DAP: variants seen among roughly 807,000 people sequenced by gnomAD.
The protein encoded by DAP is death associated protein.
DAP carries 8 observed loss-of-function variants against 13.8 expected under a neutral mutation model. The observed-to-expected ratio is 0.58, with a 90% CI of 0.34 to 1.05. The LOEUF (loss-of-function observed/expected upper bound fraction) is 1.05. Ranked by LOEUF, DAP falls within the 50% of genes least tolerant of loss-of-function variation. The probability of loss-of-function intolerance (pLI) is 0.03; values close to 1 mark genes in which losing one functional copy is unlikely to be tolerated. For missense variants in DAP, 106 were observed against 133.2 expected (o/e 0.80, Z 1.01); for synonymous variants, 47 against 47.5 (o/e 0.99, Z 0.04).
chr5:10,683,221 G>A (rs1738067884), intron 3 of DAP: 5 of 441,614 alleles, frequency 1.1e-5, no homozygotes, highest in East Asian at 9.1e-5. Flanking sequence ...CCCTATGGAC[G>A]GCAATACTGT....
intron 2 of DAP, among the ~76,000 whole-genome samples, chr5:10,745,022 T>C (rs927286242): frequency 1.3e-5 from 2 of 152,324 alleles, no homozygotes; most frequent in African/African-American, 4.8e-5. Flanking sequence ...AACTGAGCAG[T>C]AGCACAGATC....
chr5:10,760,905 C>A, intron 1 of DAP, 109 bp downstream of exon 1: 1 of 698,552 alleles, frequency 1.4e-6, no homozygotes, highest in South Asian at 6.8e-5. Flanking sequence ...GGCCCGGAAC[C>A]CGTCTCAGCG....
intron 2 of DAP, among the ~76,000 whole-genome samples, chr5:10,728,065 C>T (rs1212349182): frequency 2.5e-5 from 2 of 80,954 alleles, no homozygotes; most frequent in Middle Eastern, 5.9e-3. Flanking sequence ...GTGGGTTGAA[C>T]CCTTGGATGC....
chr5:10,740,481 GT>G (rs2126673273), intron 2 of DAP, among the ~76,000 whole-genome samples: 1 of 152,282 alleles, frequency 6.6e-6, no homozygotes, highest in East Asian at 1.9e-4. Flanking sequence ...ACCAAACTTG[GT>G]GCATCACAAA....
At chr5:10,746,333 GTT>G (rs558797485) in intron 2 of DAP, among the ~76,000 whole-genome samples, 1 of 138,924 alleles carries the variant, frequency 7.2e-6, no homozygotes, top group Non-Finnish European at 1.6e-5. Flanking sequence ...TTTTTTTTTT[GTT>G]TTTTTTTTTT....
chr5:10,738,409 A>G (rs1247901312), intron 2 of DAP, among the ~76,000 whole-genome samples: 1 of 152,248 alleles, frequency 6.6e-6, no homozygotes, highest in Non-Finnish European at 1.5e-5. Context: ...GAACAATCAA[A>G]GCTGGCATCA....
Position 10,680,864 on chromosome 5 carries a change from C to T in DAP, c.*192G>A. On this transcript the variant is annotated 3_prime_UTR_variant, in exon 4 of 4. Coordinates refer to ENST00000230895, the MANE Select transcript of DAP (RefSeq NM_004394.3). ...CTCAAATGACATCCAACCAGACTCC[C>T]CATAAACAAGGTTTGGGCTGGAGCT... The T allele has an allele frequency of 6.5e-7, 1 of 1,536,966 alleles. No individual in the cohort carries two copies. The highest frequency in any genetic ancestry group is 2.0e-5 in the Admixed American group (1 of 51,004).
intron 1 of DAP, 52 bp from the exon 2 acceptor site, chr5:10,748,323 G>A (rs756947669): frequency 2.0e-6 from 3 of 1,464,936 alleles, no homozygotes; most frequent in East Asian, 4.5e-5. Flanking sequence ...GGCTGCCTGT[G>A]GATCAGGGGG....
At chr5:10,759,298 A>G (rs1388210681) in intron 1 of DAP, among the ~76,000 whole-genome samples, 3 of 152,166 alleles carry the variant, frequency 2.0e-5, no homozygotes, top group Non-Finnish European at 2.9e-5. Flanking sequence ...TGTCCTGGGG[A>G]GTGGAGGGCC....
At chr5:10,696,485 GT>G (rs1282744651) in intron 2 of DAP, among the ~76,000 whole-genome samples, 1 of 152,220 alleles carries the variant, frequency 6.6e-6, no homozygotes, top group Non-Finnish European at 1.5e-5. Context: ...TGGTTCTGGG[GT>G]TGAATCTCAG....
At chr5:10,732,960 T>C (rs956157049) in intron 2 of DAP, among the ~76,000 whole-genome samples, 3 of 152,200 alleles carry the variant, frequency 2.0e-5, no homozygotes, top group African/African-American at 7.2e-5. Context: ...CACATTTCCC[T>C]TTCCCCCAGT....
At chr5:10,682,669 AG>A (rs1457743221) in intron 3 of DAP, among the ~76,000 whole-genome samples, 2 of 152,232 alleles carry the variant, frequency 1.3e-5, no homozygotes, top group Non-Finnish European at 2.9e-5. Context: ...TGTGGGTGTT[AG>A]GGGGCCTGGG....
chr5:10,726,550 T>G (rs916501949), intron 2 of DAP, among the ~76,000 whole-genome samples: 3 of 152,166 alleles, frequency 2.0e-5, no homozygotes, highest in African/African-American at 7.2e-5. Context: ...GGCAGAGGTG[T>G]GACGGTGAAG....
chr5:10,746,333 G>T (rs115959180), intron 2 of DAP, among the ~76,000 whole-genome samples: 105 of 138,880 alleles, frequency 7.6e-4, no homozygotes, highest in Middle Eastern at 3.7e-3. Context: ...TTTTTTTTTT[G>T]TTTTTTTTTT....
rs1198641033 is a variant in DAP at position 10,704,396 on chromosome 5, A to G, written c.153-20825T>C. ...CTCTGCAGTTTTCTGAGTGCTCTGG[A>G]ATGTGTATTTGCCTTGGAGACATGG... is the stretch of plus-strand genomic sequence containing the variant. On this transcript the variant is annotated intron_variant, in intron 2 of 3. Coordinates refer to ENST00000230895, the MANE Select transcript of DAP (RefSeq NM_004394.3). Among the ~76,000 whole-genome samples, 5 of 151,962 alleles carry G rather than the reference A, an allele frequency of 3.3e-5. No individual in the cohort carries two copies. In the East Asian group the frequency reaches 9.7e-4, roughly 29 times the overall value.
At chr5:10,683,610 A>G (rs1295318632) in intron 2 of DAP, 39 bp from the exon 3 acceptor site, 7 of 1,598,986 alleles carry the variant, frequency 4.4e-6, no homozygotes, top group African/African-American at 1.3e-5. Flanking sequence ...TTAACAAAAC[A>G]GTCCACAACA....
intron 2 of DAP, among the ~76,000 whole-genome samples, chr5:10,705,959 C>T (rs1209189338): frequency 6.6e-6 from 1 of 152,166 alleles, no homozygotes; most frequent in East Asian, 1.9e-4. Flanking sequence ...CAAAGCATTT[C>T]TCAAATATGC....
intron 1 of DAP, 124 bp downstream of exon 1, chr5:10,760,890 A>T (rs1740328912): frequency 1.8e-6 from 1 of 541,250 alleles, no homozygotes; most frequent in Middle Eastern, 7.0e-4. Flanking sequence ...TCGGGCGGGC[A>T]TCAAGGCCCG....
intron 2 of DAP, among the ~76,000 whole-genome samples, chr5:10,696,218 C>T (rs957314280): frequency 2.0e-5 from 3 of 152,160 alleles, no homozygotes; most frequent in Non-Finnish European, 2.9e-5. Flanking sequence ...GGATTTAATA[C>T]GTAGTGATGG....
Sources: allele counts gnomAD v4.1 joint callset (sites outside exome capture counted in the v4.1 genomes callset), GRCh38; gene constraint gnomAD v4.1.1; transcripts MANE v1.5; gene names NCBI Gene and HGNC (gene_info 2026-07-23, HGNC 2026-07-21).